Variants in COL23A1 observed in about 807,000 individuals in gnomAD.
COL23A1 encodes the protein collagen type XXIII alpha 1 chain, also known as collagen alpha-1(XXIII) chain.
Under a neutral mutation model 99.3 loss-of-function variants are expected in COL23A1, and 97 were observed. The observed-to-expected ratio is 0.98, with a 90% CI of 0.83 to 1.16. The LOEUF is 1.16. Ranked by LOEUF, COL23A1 falls within the 50% of genes most tolerant of loss-of-function variation. COL23A1 has a pLI of 0.00. For missense variants in COL23A1, 762 were observed against 757.4 expected (o/e 1.01, Z -0.07); for synonymous variants, 320 against 308.2 (o/e 1.04, Z -0.40).
chr5:178,341,927 A>G (rs1760690992), intron 2 of COL23A1, among the ~76,000 whole-genome samples: 1 of 151,402 alleles, frequency 6.6e-6, no homozygotes, highest in Non-Finnish European at 1.5e-5. Flanking sequence ...GAAAACTGCC[A>G]CCCTCGCTCT....
chr5:178,405,478 A>C (rs1764714085), intron 2 of COL23A1, among the ~76,000 whole-genome samples: 1 of 152,204 alleles, frequency 6.6e-6, no homozygotes, highest in Admixed American at 6.5e-5. Context: ...TGCCTCATTT[A>C]TTACACTGTG....
At chr5:178,325,624 G>C (rs1357617204) in intron 2 of COL23A1, among the ~76,000 whole-genome samples, 1 of 152,180 alleles carries the variant, frequency 6.6e-6, no homozygotes, top group South Asian at 2.1e-4. Context: ...TAGCACACTG[G>C]GATGGAGCCG....
At chr5:178,264,657 TTTTG>T (rs1285671133) in intron 8 of COL23A1, among the ~76,000 whole-genome samples, 2 of 152,140 alleles carry the variant, frequency 1.3e-5, no homozygotes, top group Non-Finnish European at 2.9e-5. Flanking sequence ...GAAGATGTTT[TTTTG>T]TTTGTTTTTT....
chr5:178,571,634 T>TA (rs1763101099), intron 1 of COL23A1, among the ~76,000 whole-genome samples: 1 of 152,100 alleles, frequency 6.6e-6, no homozygotes, highest in Non-Finnish European at 1.5e-5. Context: ...ATAGGCCCTA[T>TA]GATGAACAAA....
intron 2 of COL23A1, among the ~76,000 whole-genome samples, chr5:178,321,122 G>T (rs1395852849): frequency 6.6e-6 from 1 of 152,204 alleles, no homozygotes; most frequent in Admixed American, 6.5e-5. Context: ...AAACTATTCT[G>T]TAAAAACTGT....
intron 2 of COL23A1, among the ~76,000 whole-genome samples, chr5:178,317,960 C>A (rs186299349): frequency 8.5e-5 from 13 of 152,192 alleles, no homozygotes; most frequent in Non-Finnish European, 1.8e-4. Context: ...GGAAAACCAC[C>A]CCCGTGATTC....
intron 12 of COL23A1, 60 bp downstream of exon 12, chr5:178,259,661 C>A: frequency 6.7e-7 from 1 of 1,496,258 alleles, no homozygotes; most frequent in Non-Finnish European, 9.2e-7. Flanking sequence ...CCAGCCCCTG[C>A]CCTTCTCTCC....
At position 178,439,993 on chromosome 5, in the gene COL23A1, G is replaced by A. The variant is rs984586103; in HGVS notation, c.361+120689C>T. 1 of 152,230 alleles carries A rather than the reference G, an allele frequency of 6.6e-6. No homozygotes were observed. The highest frequency in any genetic ancestry group is 1.5e-5 in the Non-Finnish European group (1 of 68,060). 9.4% of individuals were successfully genotyped at this position (152,230 alleles called of 1,614,324 possible). A position where few individuals can be genotyped will look rare whatever the true frequency, so the allele number is the denominator to read the frequency against. ...ATCTGCAGAGACAGAAAACAGATCA[G>A]TGGTTGCCTGGGGCTGGGGGAAGGA... On this transcript the variant is annotated intron_variant, in intron 2 of 28. Coordinates refer to ENST00000390654, the MANE Select transcript of COL23A1 (RefSeq NM_173465.4). The surrounding 1 kb of genome is among the most constrained non-coding windows in gnomAD (Gnocchi z 4.2).
intron 2 of COL23A1, among the ~76,000 whole-genome samples, chr5:178,335,786 C>A (rs1465645090): frequency 6.6e-6 from 1 of 152,210 alleles, no homozygotes; most frequent in Non-Finnish European, 1.5e-5. Context: ...GCAAAGTGAT[C>A]ACTGTGGCGA....
intron 2 of COL23A1, among the ~76,000 whole-genome samples, chr5:178,379,195 A>C (rs528209634): frequency 1.8e-4 from 27 of 152,142 alleles, no homozygotes; most frequent in Non-Finnish European, 3.5e-4. Flanking sequence ...ACAATTAAAA[A>C]AAACAAACAA....
chr5:178,420,165 C>T (rs1183871396), intron 2 of COL23A1, among the ~76,000 whole-genome samples: 1 of 152,206 alleles, frequency 6.6e-6, no homozygotes, highest in Non-Finnish European at 1.5e-5. Context: ...GCAGTCTCGT[C>T]ACTTATCAGC....
intron 2 of COL23A1, among the ~76,000 whole-genome samples, chr5:178,557,755 G>A (rs919992248): frequency 5.3e-5 from 8 of 152,168 alleles, no homozygotes; most frequent in East Asian, 1.9e-4. Flanking sequence ...CCTTGGAGCC[G>A]GGAAGAATAG....
intron 1 of COL23A1, among the ~76,000 whole-genome samples, chr5:178,584,337 C>CAT (rs1460169555): frequency 6.6e-6 from 1 of 151,538 alleles, no homozygotes; most frequent in African/African-American, 2.4e-5. Context: ...CACACACACA[C>CAT]ACACACCTAG....
intron 1 of COL23A1, among the ~76,000 whole-genome samples, chr5:178,575,554 G>A (rs1763307950): frequency 6.6e-6 from 1 of 152,132 alleles, no homozygotes; most frequent in Non-Finnish European, 1.5e-5. Context: ...TATCTTTTTG[G>A]AAGATAAATC....
chr5:178,302,471 A>G (rs1390214388), intron 3 of COL23A1, among the ~76,000 whole-genome samples: 1 of 151,524 alleles, frequency 6.6e-6, no homozygotes, highest in African/African-American at 2.4e-5. Flanking sequence ...GCACGGCTTC[A>G]ATGCTGCACC....
At chr5:178,369,548 G>A (rs997670213) in intron 2 of COL23A1, among the ~76,000 whole-genome samples, 2 of 152,230 alleles carry the variant, frequency 1.3e-5, no homozygotes, top group African/African-American at 2.4e-5. Flanking sequence ...TGAACGTGTT[G>A]TGGAAGGGAC....
intron 8 of COL23A1, among the ~76,000 whole-genome samples, chr5:178,266,222 G>A (rs1388615359): frequency 6.6e-6 from 1 of 152,028 alleles, no homozygotes; most frequent in Non-Finnish European, 1.5e-5. Context: ...TGTATTTTTA[G>A]TAGAGATGGG....
rs1032754660 is a variant in COL23A1, at chr5:178,434,155, C to T, written c.361+126527G>A. Among the ~76,000 whole-genome samples the T allele has an allele frequency of 6.6e-6, 1 of 152,256 alleles. No homozygotes were observed. The highest frequency in any genetic ancestry group is 1.5e-5 in the Non-Finnish European group (1 of 68,046). On this transcript the variant is annotated intron_variant, in intron 2 of 28. Coordinates refer to ENST00000390654, the MANE Select transcript of COL23A1 (RefSeq NM_173465.4). The surrounding 1 kb of genome is among the most constrained non-coding windows in gnomAD (Gnocchi z 4.3). ...CTCCCAATGCCTCAGGAAACAGCGACTGTCATCTTCTCCACTTTCCAGATA... is the reference window on the plus strand; with the variant it reads ...CTCCCAATGCCTCAGGAAACAGCGATTGTCATCTTCTCCACTTTCCAGATA...
chr5:178,286,483 TA>T (rs1231964351), intron 5 of COL23A1, among the ~76,000 whole-genome samples: 1 of 152,196 alleles, frequency 6.6e-6, no homozygotes, highest in Non-Finnish European at 1.5e-5. Context: ...GCTTCGTCTT[TA>T]ATTCCCGACA....
Sources: gnomAD v4.1 joint callset for allele counts (sites outside exome capture counted in the v4.1 genomes callset) on GRCh38, gnomAD v4.1.1 for gene constraint, Gnocchi (gnomAD v3.1) non-coding constraint, MANE v1.5 for transcripts, NCBI Gene and HGNC (gene_info 2026-07-23, HGNC 2026-07-21) for gene names.